Variants in METTL8 observed in about 807,000 individuals in gnomAD.
The protein encoded by METTL8 is tRNA N(3)-cytidine methyltransferase METTL8, mitochondrial.
METTL8 carries 32 observed loss-of-function variants against 48.7 expected under a neutral mutation model. That is an observed-to-expected ratio of 0.66 (90% CI 0.50 to 0.88). The LOEUF is 0.88. Ranked by LOEUF, METTL8 falls within the 40% of genes least tolerant of loss-of-function variation. The probability of loss-of-function intolerance (pLI) is 0.00; values close to 1 mark genes in which losing one functional copy is unlikely to be tolerated. For synonymous variants in METTL8, 136 were observed against 157.1 expected (o/e 0.87, Z 1.01); for missense variants, 464 against 474.4 (o/e 0.98, Z 0.20).
intron 2 of METTL8, among the ~76,000 whole-genome samples, chr2:171,391,163 T>A (rs1688546114): frequency 6.6e-6 from 1 of 152,228 alleles, no homozygotes; most frequent in African/African-American, 2.4e-5. Flanking sequence ...AACAAAAAGA[T>A]TATGACTCAC....
chr2:171,338,725 C>G (rs1686391309), intron 4 of METTL8, among the ~76,000 whole-genome samples: 1 of 151,630 alleles, frequency 6.6e-6, no homozygotes, highest in South Asian at 2.1e-4. Context: ...GATAAATTAT[C>G]TCCTTGTTAG....
upstream of METTL8, chr2:171,433,993 C>A (rs1303133170): frequency 4.3e-6 from 1 of 230,536 alleles, no homozygotes. Flanking sequence ...TTGTGAGTAC[C>A]GGGGCAGTGA....
At chr2:171,368,532 T>A (rs192122348) in intron 2 of METTL8, among the ~76,000 whole-genome samples, 1 of 152,214 alleles carries the variant, frequency 6.6e-6, no homozygotes, top group South Asian at 2.1e-4. Context: ...ATGAGTTTGA[T>A]AGGTTCCCAA....
At chr2:171,416,752 A>G (rs1691352768) in intron 1 of METTL8, among the ~76,000 whole-genome samples, 2 of 152,250 alleles carry the variant, frequency 1.3e-5, no homozygotes, top group South Asian at 4.1e-4. Context: ...TCACTGTTGT[A>G]CAGATGCAGG....
At chr2:171,352,638 A>T (rs922820775) in intron 3 of METTL8, among the ~76,000 whole-genome samples, 3 of 152,158 alleles carry the variant, frequency 2.0e-5, no homozygotes, top group Non-Finnish European at 4.4e-5. Flanking sequence ...TATTGCCTCA[A>T]TTTCAGAACC....
chr2:171,355,318 G>T (rs566030314), intron 3 of METTL8, among the ~76,000 whole-genome samples: 1 of 152,170 alleles, frequency 6.6e-6, no homozygotes. Flanking sequence ...CTGTCTGATC[G>T]TTCCTCTGGA....
rs1405917150 is a variant in METTL8, at chr2:171,315,834, A to G, written c.*8338T>C. ...TACAAAACTTACATGAAATAAGAAA[A>G]TGTTCAACTATGTAATAACCAAAGC... is the stretch of plus-strand genomic sequence containing the variant. On this transcript the variant is annotated 3_prime_UTR_variant, in exon 10 of 10. Coordinates refer to ENST00000375258, the MANE Select transcript of METTL8 (RefSeq NM_001321154.2). 6.6e-6 allele frequency among the ~76,000 whole-genome samples: 1 copy of G among 152,226 alleles called. No individual in the cohort carries two copies. The highest frequency in any genetic ancestry group is 2.4e-5 in the African/African-American group (1 of 41,466).
Position 171,339,226 on chromosome 2 carries a change from A to G in METTL8, c.564T>C (p.Thr188=). The change falls in exon 4 of 10, where the codon ACT becomes ACC. Residue 188 remains threonine, a synonymous_variant. Coordinates refer to ENST00000375258, the MANE Select transcript of METTL8 (RefSeq NM_001321154.2). ...SEKHKKGPME[T]GLFPGSNATF... ...TGGCATTGCTACCAGGAAACAATCC[A>G]GTCTCCATAGGTCCTTTTTTGTGTT... 1 of 1,579,112 alleles carries G rather than the reference A, an allele frequency of 6.3e-7. No individual in the cohort carries two copies. Among genetic ancestry groups the G allele is most frequent in the Non-Finnish European group, 8.6e-7 (1 of 1,162,050 alleles).
chr2:171,349,611 T>C (rs1387149058), intron 3 of METTL8, among the ~76,000 whole-genome samples: 1 of 152,222 alleles, frequency 6.6e-6, no homozygotes, highest in Non-Finnish European at 1.5e-5. Flanking sequence ...TTGTGAATAG[T>C]GCTGCTATGA....
chr2:171,397,185 A>C (rs146700428), intron 1 of METTL8, among the ~76,000 whole-genome samples: 1 of 151,642 alleles, frequency 6.6e-6, no homozygotes, highest in Non-Finnish European at 1.5e-5. Flanking sequence ...AGTAGAAAGA[A>C]GGAAATAATA....
At chr2:171,379,035 G>T (rs1687255052) in intron 2 of METTL8, among the ~76,000 whole-genome samples, 1 of 152,104 alleles carries the variant, frequency 6.6e-6, no homozygotes, top group African/African-American at 2.4e-5. Context: ...AAATGCAAAA[G>T]AATTGAAATA....
chr2:171,324,035 G>T lies in METTL8; in HGVS notation c.*137C>A. On this transcript the variant is annotated 3_prime_UTR_variant, in exon 10 of 10. Coordinates refer to ENST00000375258, the MANE Select transcript of METTL8 (RefSeq NM_001321154.2). ...CTTACATGTGCTTAAAATGCACAAA[G>T]GAGCTCACCTATGACAAAACGGCAG... The T allele has an allele frequency of 1.4e-6, 1 of 691,460 alleles. No individual in the cohort carries two copies. The highest frequency in any genetic ancestry group is 2.2e-5 in the South Asian group (1 of 45,896). The allele number at this position is 691,460 out of a possible 1,614,324, so 42.8% of individuals were successfully genotyped here.
At chr2:171,434,278 A>C, upstream of METTL8, 1 of 552,346 alleles carries the variant, frequency 1.8e-6, no homozygotes, top group South Asian at 1.5e-5. Context: ...CCGGTGAGAG[A>C]GCGGCTCCGG....
intron 3 of METTL8, among the ~76,000 whole-genome samples, chr2:171,356,896 T>G (rs1575821119): frequency 6.9e-6 from 1 of 145,298 alleles, no homozygotes; most frequent in Non-Finnish European, 1.5e-5. Flanking sequence ...GAGAAAGAAA[T>G]AAAGGGCAGC....
At chr2:171,360,063 T>C (rs1012779036) in intron 3 of METTL8, among the ~76,000 whole-genome samples, 1 of 152,246 alleles carries the variant, frequency 6.6e-6, no homozygotes, top group Non-Finnish European at 1.5e-5. Context: ...TTATCTTCTT[T>C]GCTCAAAGTT....
chr2:171,423,373 T>C (rs1055963378), intron 1 of METTL8, among the ~76,000 whole-genome samples: 1 of 151,820 alleles, frequency 6.6e-6, no homozygotes, highest in Non-Finnish European at 1.5e-5. Flanking sequence ...CAGGCAGAGG[T>C]TGGAACTGTT....
chr2:171,410,500 G>A (rs1690642580), intron 1 of METTL8, among the ~76,000 whole-genome samples: 1 of 152,202 alleles, frequency 6.6e-6, no homozygotes, highest in Non-Finnish European at 1.5e-5. Context: ...CCTAAGATGT[G>A]TCTAGAAGGT....
chr2:171,387,046 T>A (rs1300500085), intron 2 of METTL8, among the ~76,000 whole-genome samples: 1 of 152,114 alleles, frequency 6.6e-6, no homozygotes, highest in Non-Finnish European at 1.5e-5. Context: ...TTCCACTCAG[T>A]AAAACCTTGC....
At chr2:171,401,625 T>C (rs1456750359) in intron 1 of METTL8, among the ~76,000 whole-genome samples, 4 of 152,290 alleles carry the variant, frequency 2.6e-5, no homozygotes, top group Admixed American at 2.6e-4. Flanking sequence ...AGGGATTTAA[T>C]GTAAGCTCAT....
Sources: allele counts gnomAD v4.1 joint callset (sites outside exome capture counted in the v4.1 genomes callset), GRCh38; gene constraint gnomAD v4.1.1; transcripts MANE v1.5; gene names NCBI Gene and HGNC (gene_info 2026-07-23, HGNC 2026-07-21).